Variants in ACOXL observed in about 807,000 individuals in gnomAD.
The protein encoded by ACOXL is acyl-CoA oxidase like, also known as acyl-coenzyme A oxidase-like protein.
ACOXL carries 70 observed loss-of-function variants against 71.9 expected under a neutral mutation model. The observed-to-expected ratio is 0.97, with a 90% confidence interval of 0.80 to 1.19. The LOEUF (loss-of-function observed/expected upper bound fraction) is 1.19. ACOXL is among the 50% of genes most tolerant of loss of function. The pLI, the probability that ACOXL is intolerant of heterozygous loss-of-function variation, is 0.00. For missense variants in ACOXL, 703 were observed against 736.3 expected (o/e 0.95, Z 0.52); for synonymous variants, 253 against 281.6 (o/e 0.90, Z 1.02).
chr2:111,100,082 G>A (rs2150045516), intron 17 of ACOXL: 1 of 152,334 alleles, frequency 6.6e-6, no homozygotes, highest in South Asian at 2.1e-4. Context: ...CCTGCATTGG[G>A]ACGTATGGAA....
chr2:110,951,372 A>G (rs926303577), intron 12 of ACOXL, among the ~76,000 whole-genome samples: 2 of 152,256 alleles, frequency 1.3e-5, no homozygotes, highest in Non-Finnish European at 2.9e-5. Flanking sequence ...TCCTATGAAG[A>G]TAGTCCTATC....
chr2:110,805,609 G>A (rs898012910), intron 9 of ACOXL, among the ~76,000 whole-genome samples: 1 of 152,216 alleles, frequency 6.6e-6, no homozygotes, highest in African/African-American at 2.4e-5. Flanking sequence ...CATCCCAGAT[G>A]TGTGCTGCTA....
At chr2:110,780,175 C>T (rs976787585) in intron 2 of ACOXL, among the ~76,000 whole-genome samples, 4 of 152,192 alleles carry the variant, frequency 2.6e-5, no homozygotes, top group African/African-American at 7.2e-5. Context: ...GACTTGAACA[C>T]TTACAAATGG....
At chr2:110,897,821 AT>A (rs1373491806) in intron 10 of ACOXL, among the ~76,000 whole-genome samples, 1 of 152,220 alleles carries the variant, frequency 6.6e-6, no homozygotes, top group Admixed American at 6.5e-5. Flanking sequence ...CTTTGAAAAG[AT>A]TAATAAAATT....
intron 12 of ACOXL, among the ~76,000 whole-genome samples, chr2:110,961,799 C>T (rs533164839): frequency 3.2e-4 from 48 of 152,242 alleles, no homozygotes; most frequent in Admixed American, 1.2e-3. Context: ...AGCAAAGTCA[C>T]GTCTTACATG....
chr2:110,964,625 C>T (rs1037869626), intron 12 of ACOXL, among the ~76,000 whole-genome samples: 1 of 152,232 alleles, frequency 6.6e-6, no homozygotes, highest in African/African-American at 2.4e-5. Context: ...CTACGCTACA[C>T]ACCTGTACAG....
chr2:110,802,611 G>A (rs1256842819), intron 8 of ACOXL, among the ~76,000 whole-genome samples: 1 of 152,122 alleles, frequency 6.6e-6, no homozygotes, highest in Non-Finnish European at 1.5e-5. Context: ...AAACCCCCAT[G>A]ACACAAGTTT....
At chr2:110,783,640 C>T (rs930577648) in intron 2 of ACOXL, among the ~76,000 whole-genome samples, 1 of 152,136 alleles carries the variant, frequency 6.6e-6, no homozygotes, top group Non-Finnish European at 1.5e-5. Flanking sequence ...TGCACACACA[C>T]GTGTGCATAC....
At chr2:110,824,051 T>C (rs1248686066) in intron 9 of ACOXL, among the ~76,000 whole-genome samples, 3 of 152,224 alleles carry the variant, frequency 2.0e-5, no homozygotes, top group Non-Finnish European at 4.4e-5. Flanking sequence ...CAAGGCCATA[T>C]AGATTTTATC....
intron 3 of ACOXL, among the ~76,000 whole-genome samples, chr2:110,790,496 C>T (rs560797113): frequency 3.9e-5 from 6 of 152,276 alleles, no homozygotes; most frequent in Admixed American, 2.0e-4. Context: ...CCTTTTTCTT[C>T]TCCTGATAAG....
In ACOXL at chr2:111,108,371, C is replaced by CTTTTTTTTTTTTTTT. The variant is rs1225889982; in HGVS notation, c.1543-9236_1543-9222dup. Among the ~76,000 whole-genome samples the CTTTTTTTTTTTTTTT allele has an allele frequency of 2.5e-4, 18 of 71,056 alleles. 3 individuals are homozygous for CTTTTTTTTTTTTTTT. Among genetic ancestry groups the CTTTTTTTTTTTTTTT allele is most frequent in the Non-Finnish European group, 3.7e-4 (15 of 40,450 alleles). The allele number at this position is 71,056 out of a possible 152,430, so 46.6% of individuals were successfully genotyped here. ...TTTATATACATTGAAGTGCATGAAT[C>CTTTTTTTTTTTTTTT]TTTTTTTTTTTTTTTTTTTTTTTGG... On this transcript the variant is annotated intron_variant, in intron 17 of 17. Transcript: ENST00000439055.
chr2:110,940,301 G>A (rs914287691), intron 12 of ACOXL, among the ~76,000 whole-genome samples: 5 of 152,152 alleles, frequency 3.3e-5, no homozygotes, highest in African/African-American at 7.2e-5. Context: ...ATAGTTGAGA[G>A]CTGCAGGTCA....
intron 15 of ACOXL, among the ~76,000 whole-genome samples, chr2:111,044,358 G>T (rs2065919166): frequency 6.6e-6 from 1 of 152,250 alleles, no homozygotes; most frequent in African/African-American, 2.4e-5. Flanking sequence ...AGGTATTTGG[G>T]TCAGGAAACA....
intron 14 of ACOXL, among the ~76,000 whole-genome samples, chr2:111,026,064 G>T (rs1272672442): frequency 6.6e-6 from 1 of 152,128 alleles, no homozygotes; most frequent in Non-Finnish European, 1.5e-5. Context: ...AAAATCAGTA[G>T]ACCATATACA....
chr2:110,978,808 A>G (rs2062574352), intron 12 of ACOXL, among the ~76,000 whole-genome samples: 1 of 149,702 alleles, frequency 6.7e-6, no homozygotes, highest in Non-Finnish European at 1.5e-5. Flanking sequence ...GTAACAAACT[A>G]AGTAGAATTT....
At chr2:110,862,453 A>G (rs1694066149) in intron 10 of ACOXL, among the ~76,000 whole-genome samples, 1 of 152,148 alleles carries the variant, frequency 6.6e-6, no homozygotes. Context: ...GCAACTTAGC[A>G]AGCTCTTGTC....
chr2:111,048,805 T>C (rs578157028), intron 15 of ACOXL, among the ~76,000 whole-genome samples: 82 of 152,204 alleles, frequency 5.4e-4, no homozygotes, highest in African/African-American at 1.9e-3. Context: ...GTTAAAGCCA[T>C]GGAAATCATG....
chr2:111,081,051 C>G (rs545080599), intron 16 of ACOXL, among the ~76,000 whole-genome samples: 1 of 152,196 alleles, frequency 6.6e-6, no homozygotes, highest in African/African-American at 2.4e-5. Flanking sequence ...ATGACAAAAC[C>G]ACAGCCAATA....
intron 12 of ACOXL, among the ~76,000 whole-genome samples, chr2:110,981,792 G>A (rs2149527594): frequency 6.6e-6 from 1 of 152,272 alleles, no homozygotes; most frequent in Non-Finnish European, 1.5e-5. Flanking sequence ...AGTTGCGTGT[G>A]CATAGGCTGA....
Sources: gnomAD v4.1 joint callset for allele counts (sites outside exome capture counted in the v4.1 genomes callset) on GRCh38, gnomAD v4.1.1 for gene constraint, MANE v1.5 for transcripts, NCBI Gene and HGNC (gene_info 2026-07-23, HGNC 2026-07-21) for gene names.